The following COL13A1 variants were observed in gnomAD, a reference collection of about 807,000 sequenced individuals.
The protein encoded by COL13A1 is collagen alpha-1(XIII) chain.
A neutral mutation model predicts 130.9 loss-of-function variants in COL13A1; 89 were observed. The ratio of observed to expected loss-of-function variants is 0.68; its 90% CI spans 0.57 to 0.81. The LOEUF (loss-of-function observed/expected upper bound fraction) is 0.81, where lower values mean the gene tolerates loss of function less well. Ranked by LOEUF, COL13A1 falls within the 30% of genes least tolerant of loss-of-function variation. COL13A1 has a pLI of 0.00. For missense variants in COL13A1, 879 were observed against 934.6 expected (o/e 0.94, Z 0.78); for synonymous variants, 402 against 341.6 (o/e 1.18, Z -1.95).
At chr10:69,912,092 G>T (rs566519954) in intron 17 of COL13A1, among the ~76,000 whole-genome samples, 1 of 152,296 alleles carries the variant, frequency 6.6e-6, no homozygotes, top group East Asian at 1.9e-4. Flanking sequence ...TAAGATCTGG[G>T]CCTCTGATCT....
At chr10:69,893,325 C>T (rs1441487790) in intron 10 of COL13A1, among the ~76,000 whole-genome samples, 6 of 152,260 alleles carry the variant, frequency 3.9e-5, no homozygotes, top group Admixed American at 1.3e-4. Context: ...GTACTCCATT[C>T]TGGACAACAG....
At chr10:69,919,160 C>A (rs1321473752) in intron 20 of COL13A1, 72 bp downstream of exon 20, 15 of 1,594,816 alleles carry the variant, frequency 9.4e-6, no homozygotes, top group Non-Finnish European at 1.1e-5. Flanking sequence ...GGGGCTGCTG[C>A]TGTTTTGCTC....
chr10:69,892,879 C>A (rs1444167390), intron 10 of COL13A1, among the ~76,000 whole-genome samples: 1 of 152,172 alleles, frequency 6.6e-6, no homozygotes, highest in African/African-American at 2.4e-5. Flanking sequence ...CGATTGTCCC[C>A]TGGGCCACCG....
chr10:69,912,370 C>G (rs1041295344), intron 17 of COL13A1, among the ~76,000 whole-genome samples: 1 of 152,192 alleles, frequency 6.6e-6, no homozygotes, highest in Non-Finnish European at 1.5e-5. Flanking sequence ...CGGTTCCGGT[C>G]CTCTCTGGTG....
chr10:69,847,010 G>T (rs919722515), intron 2 of COL13A1, among the ~76,000 whole-genome samples: 33 of 152,122 alleles, frequency 2.2e-4, no homozygotes, highest in African/African-American at 7.5e-4. Flanking sequence ...ATCCCAGGTC[G>T]TGCCCAGCAG....
intron 2 of COL13A1, 139 bp from the exon 3 acceptor site, chr10:69,867,659 A>T: frequency 3.2e-6 from 2 of 629,002 alleles, no homozygotes; most frequent in South Asian, 3.7e-5. Context: ...TGGTGAAAGT[A>T]GGCCAGGAAA....
At chr10:69,913,538 A>G (rs1053577734) in intron 17 of COL13A1, among the ~76,000 whole-genome samples, 3 of 152,238 alleles carry the variant, frequency 2.0e-5, no homozygotes, top group African/African-American at 2.4e-5. Flanking sequence ...ACATGCCCCA[A>G]GGAACAGTCC....
chr10:69,883,124 G>A (rs1312510011), intron 7 of COL13A1, among the ~76,000 whole-genome samples: 1 of 152,190 alleles, frequency 6.6e-6, no homozygotes, highest in Non-Finnish European at 1.5e-5. Flanking sequence ...AATGGTCCAA[G>A]CAAAGGGAGA....
chr10:69,845,253 C>T (rs1325165456), intron 2 of COL13A1, among the ~76,000 whole-genome samples: 1 of 150,126 alleles, frequency 6.7e-6, no homozygotes, highest in Non-Finnish European at 1.5e-5. Flanking sequence ...AGTGCAGTGG[C>T]GTGATCTCCA....
intron 13 of COL13A1, among the ~76,000 whole-genome samples, chr10:69,896,375 A>G (rs2061644041): frequency 6.6e-6 from 1 of 152,164 alleles, no homozygotes; most frequent in Admixed American, 6.5e-5. Context: ...TAGGAGCCCC[A>G]GTGAGCTGGA....
At chr10:69,926,964 G>C in intron 26 of COL13A1, 123 bp from the exon 27 acceptor site, 10 of 1,345,988 alleles carry the variant, frequency 7.4e-6, no homozygotes, top group Non-Finnish European at 1.1e-5. Flanking sequence ...ACCTGCAAGC[G>C]TCTCCCTCCA....
At chr10:69,917,975 C>G (rs952031870) in intron 18 of COL13A1, among the ~76,000 whole-genome samples, 2 of 152,150 alleles carry the variant, frequency 1.3e-5, no homozygotes, top group Non-Finnish European at 2.9e-5. Flanking sequence ...CCAGGGACCC[C>G]CTCCCAGCCC....
intron 10 of COL13A1, among the ~76,000 whole-genome samples, chr10:69,892,665 T>A (rs1017919279): frequency 2.0e-5 from 3 of 152,208 alleles, no homozygotes; most frequent in African/African-American, 7.2e-5. Flanking sequence ...TGGCAAGTGC[T>A]AAGCACATCA....
rs895914946 is a variant in COL13A1, at chr10:69,958,846, G to T, written c.*145G>T. The stretch of plus-strand genomic sequence containing the variant: ...AAGAAAAACCTGCATATTTTGTACA[G>T]AAAATATCAACCTCTTCCCTTTTGT... On this transcript the variant is annotated 3_prime_UTR_variant, in exon 41 of 41. Coordinates refer to ENST00000645393, the MANE Select transcript of COL13A1 (RefSeq NM_001368882.1). 10 of 1,095,118 alleles carry T rather than the reference G, an allele frequency of 9.1e-6. No individual in the cohort carries two copies. Among genetic ancestry groups the T allele is most frequent in the Non-Finnish European group, 1.2e-5 (9 of 776,096 alleles). The allele number at this position is 1,095,118 out of a possible 1,614,324, so 67.8% of individuals were successfully genotyped here.
At chr10:69,897,454 C>T (rs2061759224) in intron 13 of COL13A1, 2 of 1,613,590 alleles carry the variant, frequency 1.2e-6, no homozygotes, top group Middle Eastern at 1.7e-4. Context: ...TCTCTGCCAC[C>T]TCCATCCCCT....
At chr10:69,945,622 A>G in intron 36 of COL13A1, 49 bp from the exon 37 acceptor site, 3 of 1,594,002 alleles carry the variant, frequency 1.9e-6, no homozygotes, top group Non-Finnish European at 2.6e-6. Flanking sequence ...GGCAAGGAAG[A>G]TTGTTACCGT....
chr10:69,836,080 G>T (rs1849967645), intron 2 of COL13A1, among the ~76,000 whole-genome samples: 1 of 152,152 alleles, frequency 6.6e-6, no homozygotes, highest in Non-Finnish European at 1.5e-5. Flanking sequence ...AGCTCCCCCT[G>T]CCAACCTCTA....
intron 2 of COL13A1, among the ~76,000 whole-genome samples, chr10:69,842,890 A>AT (rs1287120800): frequency 6.6e-6 from 1 of 152,218 alleles, no homozygotes; most frequent in Non-Finnish European, 1.5e-5. Flanking sequence ...CAGCAGCAGC[A>AT]TTTATGCCAG....
At chr10:69,930,573 C>T (rs763030446) in intron 30 of COL13A1, 21 bp downstream of exon 30, 2 of 1,608,622 alleles carry the variant, frequency 1.2e-6, no homozygotes, top group Admixed American at 3.4e-5. Context: ...GGGCTGGCTG[C>T]CCTTCCGTGC....
Sources: allele counts gnomAD v4.1 joint callset (sites outside exome capture counted in the v4.1 genomes callset), GRCh38; gene constraint gnomAD v4.1.1; transcripts MANE v1.5; gene names NCBI Gene and HGNC (gene_info 2026-07-23, HGNC 2026-07-21).